The following ANKS1B variants were observed in gnomAD, a reference collection of about 807,000 sequenced individuals.
ANKS1B encodes the protein ankyrin repeat and sterile alpha motif domain-containing protein 1B.
Under a neutral mutation model 148.3 loss-of-function variants are expected in ANKS1B, and 36 were observed. The observed-to-expected ratio is 0.24, with a 90% CI of 0.19 to 0.32. The LOEUF is 0.32. Among genes scored for constraint, ANKS1B ranks in the 10% least tolerant of loss-of-function variants. ANKS1B has a pLI of 1.00. For missense variants in ANKS1B, 1,157 were observed against 1,542.6 expected (o/e 0.75, Z 4.19); for synonymous variants, 542 against 560.8 (o/e 0.97, Z 0.47).
chr12:99,479,404 C>T (rs948710836), intron 10 of ANKS1B, among the ~76,000 whole-genome samples: 1 of 151,884 alleles, frequency 6.6e-6, no homozygotes, highest in African/African-American at 2.4e-5. Flanking sequence ...TTTAAAACAG[C>T]TCTAAATTTA....
At chr12:99,010,735 CATTATT>C (rs1004546325) in intron 17 of ANKS1B, among the ~76,000 whole-genome samples, 38 of 149,016 alleles carry the variant, frequency 2.6e-4, no homozygotes, top group Admixed American at 9.4e-4. Context: ...ACAACTCCAG[CATTATT>C]ATTATTATTA....
intron 17 of ANKS1B, among the ~76,000 whole-genome samples, chr12:99,013,140 C>T (rs553058202): frequency 1.9e-4 from 29 of 152,336 alleles, no homozygotes; most frequent in African/African-American, 6.3e-4. Context: ...ATTAGCCTAA[C>T]TCTAAGCCTA....
chr12:99,450,663 C>G (rs770171829), intron 10 of ANKS1B, among the ~76,000 whole-genome samples: 3 of 152,156 alleles, frequency 2.0e-5, no homozygotes, highest in Non-Finnish European at 4.4e-5. Flanking sequence ...TGATTTTGTA[C>G]TATCTTGCAT....
At chr12:99,873,820 C>T (rs1335608722) in intron 1 of ANKS1B, among the ~76,000 whole-genome samples, 1 of 152,004 alleles carries the variant, frequency 6.6e-6, no homozygotes, top group African/African-American at 2.4e-5. Context: ...AGGCCTCGTT[C>T]AATCAGTTGA....
intron 1 of ANKS1B, among the ~76,000 whole-genome samples, chr12:99,965,752 C>T (rs1044308171): frequency 3.9e-5 from 6 of 152,060 alleles, no homozygotes; most frequent in East Asian, 1.9e-4. Context: ...GGTGAAACCC[C>T]GTCTCTACTA....
At chr12:99,494,614 T>C (rs982974629) in intron 10 of ANKS1B, among the ~76,000 whole-genome samples, 1 of 150,754 alleles carries the variant, frequency 6.6e-6, no homozygotes, top group Admixed American at 6.7e-5. Flanking sequence ...GCGCCTGTAG[T>C]CCCAGCTACT....
chr12:99,873,068 T>C (rs2091706472), intron 1 of ANKS1B, among the ~76,000 whole-genome samples: 1 of 152,206 alleles, frequency 6.6e-6, no homozygotes, highest in Non-Finnish European at 1.5e-5. Flanking sequence ...ATGGGGATGA[T>C]GTGACTAATA....
At chr12:99,291,721 C>T (rs2080021927) in intron 12 of ANKS1B, among the ~76,000 whole-genome samples, 1 of 152,102 alleles carries the variant, frequency 6.6e-6, no homozygotes. Context: ...ACCTATCTCT[C>T]ACCTTATAAA....
intron 17 of ANKS1B, among the ~76,000 whole-genome samples, chr12:98,961,201 G>T (rs530041997): frequency 1.1e-4 from 16 of 152,202 alleles, no homozygotes; most frequent in African/African-American, 3.9e-4. Flanking sequence ...ACCTCAAGAC[G>T]TTTAATAATC....
chr12:99,037,345 T>A (rs898377373), intron 17 of ANKS1B, among the ~76,000 whole-genome samples: 3 of 152,010 alleles, frequency 2.0e-5, no homozygotes, highest in Admixed American at 1.3e-4. Flanking sequence ...TGAAACCCCA[T>A]CTTGACTAAA....
At chr12:99,718,604 A>G (rs1470607065) in intron 8 of ANKS1B, among the ~76,000 whole-genome samples, 1 of 152,206 alleles carries the variant, frequency 6.6e-6, no homozygotes, top group Non-Finnish European at 1.5e-5. Context: ...CCTGTCCTAG[A>G]ACCAGACAAG....
chr12:99,038,788 C>G (rs976819680), intron 17 of ANKS1B, among the ~76,000 whole-genome samples: 3 of 152,234 alleles, frequency 2.0e-5, no homozygotes, highest in Admixed American at 6.5e-5. Context: ...GAGTGCTGAT[C>G]TCTGCATGGC....
Position 99,853,848 on chromosome 12 carries a change from C to A in ANKS1B, c.135-28459G>T, listed in dbSNP as rs1290819012. ...AGATACAGGATATGAATGGAAAAAT[C>A]TCCAATGAAATAAATAGCATAAATA... On this transcript the variant is annotated intron_variant, in intron 1 of 26. Transcript: ENST00000683438. Among the ~76,000 whole-genome samples, 4 of 152,098 alleles carry A rather than the reference C, an allele frequency of 2.6e-5. No individual in the cohort carries two copies. The East Asian group carries it at 5.8e-4, about 22-fold the overall frequency.
chr12:99,473,469 A>T (rs1391128790), intron 10 of ANKS1B, among the ~76,000 whole-genome samples: 2 of 152,066 alleles, frequency 1.3e-5, no homozygotes, highest in Non-Finnish European at 2.9e-5. Flanking sequence ...AGTACAATTA[A>T]TTGATAGATA....
intron 14 of ANKS1B, among the ~76,000 whole-genome samples, chr12:99,191,816 C>T (rs764160166): frequency 2.0e-5 from 3 of 152,108 alleles, no homozygotes; most frequent in Non-Finnish European, 4.4e-5. Flanking sequence ...ATGTTCTCCA[C>T]ATGTATTTCG....
chr12:99,621,924 T>C (rs182565877), intron 9 of ANKS1B, among the ~76,000 whole-genome samples: 2 of 152,070 alleles, frequency 1.3e-5, no homozygotes, highest in East Asian at 3.9e-4. Context: ...TTCTAAAGAA[T>C]ACTCCACCCA....
chr12:99,279,812 A>G (rs2078161085), intron 12 of ANKS1B, among the ~76,000 whole-genome samples: 1 of 152,126 alleles, frequency 6.6e-6, no homozygotes, highest in South Asian at 2.1e-4. Context: ...CCAGGAGTTC[A>G]GGACCAGCCT....
chr12:98,748,678 A>C (rs186961725), intron 26 of ANKS1B, among the ~76,000 whole-genome samples: 14 of 152,346 alleles, frequency 9.2e-5, no homozygotes, highest in Non-Finnish European at 1.0e-4. Flanking sequence ...AAGGAACTAG[A>C]ATACTAATGC....
rs1047425467 is a variant in ANKS1B, at chr12:98,935,990, C to T, written c.2779-103854G>A. The stretch of plus-strand genomic sequence containing the variant: ...TCCAGCAAGAAGCAAGAATTTCTTT[C>T]GTTTATAATAATAATTTAATAAAAT... On this transcript the variant is annotated intron_variant, in intron 17 of 26. Transcript: ENST00000683438. Among the ~76,000 whole-genome samples the T allele has an allele frequency of 6.6e-5, 10 of 152,070 alleles. No individual in the cohort carries two copies. In the South Asian group the frequency reaches 8.3e-4, roughly 13 times the overall value.
Sources: allele counts gnomAD v4.1 joint callset (sites outside exome capture counted in the v4.1 genomes callset), GRCh38; gene constraint gnomAD v4.1.1; transcripts MANE v1.5; gene names NCBI Gene and HGNC (gene_info 2026-07-23, HGNC 2026-07-21).